The following SEC14L1 variants were observed in gnomAD, a reference collection of about 807,000 sequenced individuals.
The protein encoded by SEC14L1 is SEC14-like protein 1.
SEC14L1 carries 48 observed loss-of-function variants against 85.3 expected under a neutral mutation model. The ratio of observed to expected loss-of-function variants is 0.56; its 90% confidence interval spans 0.45 to 0.72. The LOEUF (loss-of-function observed/expected upper bound fraction) is 0.72. Among genes scored for constraint, SEC14L1 ranks in the 30% least tolerant of loss-of-function variants. The pLI is 0.00. For missense variants in SEC14L1, 682 were observed against 921.4 expected (o/e 0.74, Z 3.36); for synonymous variants, 391 against 355.5 (o/e 1.10, Z -1.12).
Position 77,190,953 on chromosome 17 carries a change from G to T in SEC14L1, c.213+1G>T. ...AGATGCACCCAGACTGCTGAAGAAG[G>T]TAAAGGTCGGAAAGGACGTCTTGGA... On this transcript the variant is annotated splice_donor_variant, in intron 4 of 16. Transcript: ENST00000436233. LOFTEE classifies it high-confidence loss of function. 1 of 1,614,016 alleles carries T rather than the reference G, an allele frequency of 6.2e-7. No individual in the cohort carries two copies. The highest frequency in any genetic ancestry group is 8.5e-7 in the Non-Finnish European group (1 of 1,179,948).
In SEC14L1 at chr17:77,193,549, A is replaced by G. The variant is rs1975648427; in HGVS notation, c.474A>G (p.Lys158=). The G allele has an allele frequency of 6.2e-7, 1 of 1,608,466 alleles. No individual in the cohort carries two copies. Among genetic ancestry groups the G allele is most frequent in the South Asian group, 1.1e-5 (1 of 90,218 alleles). Residue 158 remains lysine (K), a splice_region_variant and synonymous_variant, in exon 6 of 17, where the codon AAA becomes AAG. Transcript: ENST00000436233. ...AMKQYTSNIK[K]GKEIIEYYLR... is the part of the protein sequence containing the mutation. ...AACAATATACCAGCAACATTAAAAAAGTGAGTGTATCTTGGGATTTTGTGG... is the reference window on the plus strand; with the variant it reads ...AACAATATACCAGCAACATTAAAAAGGTGAGTGTATCTTGGGATTTTGTGG...
chr17:77,136,126 C>T (rs1349431888), upstream of SEC14L1, among the ~76,000 whole-genome samples: 1 of 152,038 alleles, frequency 6.6e-6, no homozygotes, highest in Non-Finnish European at 1.5e-5. Flanking sequence ...CTGCCCGCCT[C>T]GGCCTCCCAA....
At chr17:77,121,185 G>C (rs534830606) in intron 3 of SEC14L1, among the ~76,000 whole-genome samples, 115 of 152,270 alleles carry the variant, frequency 7.6e-4, no homozygotes, top group Non-Finnish European at 1.0e-3. Context: ...GCTTGAATTG[G>C]CTAGGCTGGA....
chr17:77,215,021 A>AG lies in SEC14L1; in HGVS notation c.*1000dup, dbSNP rs1310470497. ...CACTTCAGGGTGGCGTGTGGCATGT[A>AG]GGAGTCCTGCTTCTTTGTACATGGG... On this transcript the variant is annotated 3_prime_UTR_variant, in exon 17 of 17. Coordinates refer to ENST00000436233, the MANE Select transcript of SEC14L1 (RefSeq NM_001143998.2). The AG allele has an allele frequency of 1.0e-6, 1 of 985,454 alleles. No individual in the cohort carries two copies. Among genetic ancestry groups the AG allele is most frequent in the African/African-American group, 1.7e-5 (1 of 57,190 alleles). The allele number at this position is 985,454 out of a possible 1,614,324, so 61.0% of individuals were successfully genotyped here. A position where few individuals can be genotyped will look rare whatever the true frequency, so the allele number is the denominator to read the frequency against.
At chr17:77,125,248 C>T (rs1031375531) in intron 3 of SEC14L1, among the ~76,000 whole-genome samples, 11 of 152,098 alleles carry the variant, frequency 7.2e-5, no homozygotes, top group Non-Finnish European at 1.3e-4. Flanking sequence ...CTGCCCGCCT[C>T]GGCCTCCCAA....
chr17:77,150,591 T>C (rs1428899189), intron 3 of SEC14L1, among the ~76,000 whole-genome samples: 1 of 152,246 alleles, frequency 6.6e-6, no homozygotes, highest in Non-Finnish European at 1.5e-5. Context: ...TATATCTTAC[T>C]TCAGGGTGAG....
At chr17:77,150,577 C>T (rs1343254942) in intron 3 of SEC14L1, among the ~76,000 whole-genome samples, 1 of 152,202 alleles carries the variant, frequency 6.6e-6, no homozygotes, top group Admixed American at 6.5e-5. Flanking sequence ...GGACTCGCGA[C>T]TCATATATCT....
At chr17:77,099,537 C>T (rs1971719431) in intron 3 of SEC14L1, among the ~76,000 whole-genome samples, 3 of 152,144 alleles carry the variant, frequency 2.0e-5, no homozygotes, top group African/African-American at 7.2e-5. Flanking sequence ...GGGTGGATCA[C>T]TTTGAGGTCA....
In SEC14L1 at chr17:77,214,492, A is replaced by T. The variant is rs3744063; in HGVS notation, c.*469A>T. The stretch of plus-strand genomic sequence containing the variant: ...GCCCGCACGCCGCCTCACGGCCCCC[A>T]TGCTTCCCGCCAGTCAAGATGGTCT... On this transcript the variant is annotated 3_prime_UTR_variant, in exon 17 of 17. Coordinates refer to ENST00000436233, the MANE Select transcript of SEC14L1 (RefSeq NM_001143998.2). The T allele has an allele frequency of 2.0e-6, 2 of 999,010 alleles. No homozygotes were observed. Among genetic ancestry groups the T allele is most frequent in the Non-Finnish European group, 1.2e-6 (1 of 837,530 alleles). The allele number at this position is 999,010 out of a possible 1,614,324, so 61.9% of individuals were successfully genotyped here. A position where few individuals can be genotyped will look rare whatever the true frequency, so the allele number is the denominator to read the frequency against.
Position 77,214,911 on chromosome 17 carries a change from G to A in SEC14L1, c.*888G>A. 1.0e-6 allele frequency: 1 copy of A among 985,406 alleles called. No homozygotes were observed. The highest frequency in any genetic ancestry group is 4.7e-5 in the South Asian group (1 of 21,288). 61.0% of individuals were successfully genotyped at this position (985,406 alleles called of 1,614,324 possible). A position where few individuals can be genotyped will look rare whatever the true frequency, so the allele number is the denominator to read the frequency against. On this transcript the variant is annotated 3_prime_UTR_variant, in exon 17 of 17. Transcript: ENST00000436233. ...GCCCAGACAGTTCCAGCCACTAGGA[G>A]GCCGTCTTGGAACCAGCAAGTCGCA...
At chr17:77,193,977 AT>A (rs901566272) in intron 6 of SEC14L1, among the ~76,000 whole-genome samples, 2 of 152,122 alleles carry the variant, frequency 1.3e-5, no homozygotes, top group African/African-American at 4.8e-5. Flanking sequence ...TTGTTAGGGA[AT>A]TGTGGTTTTG....
intron 5 of SEC14L1, among the ~76,000 whole-genome samples, chr17:77,192,046 C>T (rs549879438): frequency 4.4e-4 from 67 of 152,330 alleles, no homozygotes; most frequent in African/African-American, 1.5e-3. Flanking sequence ...CCGTCTGCCT[C>T]GTCCTCCCAA....
chr17:77,188,529 G>C (rs1975375867), intron 3 of SEC14L1, among the ~76,000 whole-genome samples: 1 of 151,778 alleles, frequency 6.6e-6, no homozygotes. Context: ...CTGCAGCGCA[G>C]TCCATTTAGC....
Position 77,190,954 on chromosome 17 carries a change from T to TAAAG in SEC14L1, c.213+3_213+6dup. On this transcript the variant is annotated splice_region_variant and intron_variant, in intron 4 of 16. Transcript: ENST00000436233. ...GATGCACCCAGACTGCTGAAGAAGGTAAAGGTCGGAAAGGACGTCTTGGAG... is the reference window on the plus strand; with the variant it reads ...GATGCACCCAGACTGCTGAAGAAGGTAAAGAAAGGTCGGAAAGGACGTCTTGGAG... The TAAAG allele has an allele frequency of 6.2e-7, 1 of 1,613,686 alleles. No homozygotes were observed. The highest frequency in any genetic ancestry group is 8.5e-7 in the Non-Finnish European group (1 of 1,179,872).
At chr17:77,116,199 G>T (rs1972168793) in intron 3 of SEC14L1, among the ~76,000 whole-genome samples, 1 of 152,086 alleles carries the variant, frequency 6.6e-6, no homozygotes, top group Non-Finnish European at 1.5e-5. Context: ...GGATTATAGG[G>T]ATGAGCCACC....
intron 9 of SEC14L1, among the ~76,000 whole-genome samples, chr17:77,202,823 G>A (rs1976224417): frequency 6.6e-6 from 1 of 151,920 alleles, no homozygotes; most frequent in African/African-American, 2.4e-5. Context: ...GGGAGGCTGA[G>A]GCAGGAGAAT....
intron 3 of SEC14L1, among the ~76,000 whole-genome samples, chr17:77,169,905 A>G (rs546025044): frequency 1.2e-4 from 18 of 152,310 alleles, no homozygotes; most frequent in African/African-American, 4.3e-4. Context: ...GTAAGGCTTT[A>G]GATAGGTACA....
chr17:77,158,797 CCTTT>C (rs1973921377), intron 3 of SEC14L1, among the ~76,000 whole-genome samples: 3 of 53,562 alleles, frequency 5.6e-5, no homozygotes, highest in Non-Finnish European at 1.2e-4. Context: ...AGCTTTCTTT[CCTTT>C]TTTTTTTTTT....
In SEC14L1 at chr17:77,216,269, A is replaced by T. The variant is rs1216531803; in HGVS notation, c.*2246A>T. 4.3e-5 allele frequency: 54 copies of T among 1,247,756 alleles called. 1 individual carries two copies. Among genetic ancestry groups the T allele is most frequent in the Non-Finnish European group, 5.2e-5 (52 of 991,298 alleles). The allele number at this position is 1,247,756 out of a possible 1,614,324, so 77.3% of individuals were successfully genotyped here. On this transcript the variant is annotated 3_prime_UTR_variant, in exon 17 of 17. Coordinates refer to ENST00000436233, the MANE Select transcript of SEC14L1 (RefSeq NM_001143998.2). ...GGTAGGGTTCGTAGGTAGGGTTCGT[A>T]GGTAGGGTTAGTAGGTAGGGTTCGT... is the stretch of plus-strand genomic sequence containing the variant.
Sources: gnomAD v4.1 joint callset for allele counts (sites outside exome capture counted in the v4.1 genomes callset) on GRCh38, gnomAD v4.1.1 for gene constraint, MANE v1.5 for transcripts, NCBI Gene and HGNC (gene_info 2026-07-23, HGNC 2026-07-21) for gene names.